Variants in MGAM observed in about 807,000 individuals in gnomAD.
The protein encoded by MGAM is maltase-glucoamylase.
A neutral mutation model predicts 358.8 loss-of-function variants in MGAM; 253 were observed. That is an observed-to-expected ratio of 0.71 (90% CI 0.64 to 0.78). The LOEUF is 0.78. Ranked by LOEUF, MGAM falls within the 30% of genes least tolerant of loss-of-function variation. The probability of loss-of-function intolerance (pLI) is 0.00; values close to 1 mark genes in which losing one functional copy is unlikely to be tolerated. For synonymous variants in MGAM, 1,105 were observed against 1,227.1 expected (o/e 0.90, Z 2.08); for missense variants, 3,080 against 3,432.6 (o/e 0.90, Z 2.57).
At chr7:142,038,253 A>G (rs1310727174) in intron 18 of MGAM, among the ~76,000 whole-genome samples, 1 of 152,140 alleles carries the variant, frequency 6.6e-6, no homozygotes, top group African/African-American at 2.4e-5. Context: ...TTTAAAAAGG[A>G]GGGCTATGGA....
rs1164055147 is a variant in MGAM at position 142,094,320 on chromosome 7, T to C, written c.7173-44T>C. On this transcript the variant is annotated intron_variant, in intron 60 of 70. Coordinates refer to ENST00000475668, the MANE Select transcript of MGAM (RefSeq NM_001365693.1). Reference sequence around the variant, plus strand: ...GAGCAGATGCTCTATGGCCTTTGCTTCCTGGCGGTGCCCTCAGTTCACCTC... The same window carrying C: ...GAGCAGATGCTCTATGGCCTTTGCTCCCTGGCGGTGCCCTCAGTTCACCTC... 4 of 1,494,336 alleles carry C rather than the reference T, an allele frequency of 2.7e-6. 1 individual carries two copies. The East Asian group carries it at 9.9e-5, about 37-fold the overall frequency. The allele number at this position is 1,494,336 out of a possible 1,614,324, so 92.6% of individuals were successfully genotyped here. A position where few individuals can be genotyped will look rare whatever the true frequency, so the allele number is the denominator to read the frequency against.
chr7:142,053,382 A>C lies in MGAM; in HGVS notation c.3159+398A>C, dbSNP rs139833281. Among the ~76,000 whole-genome samples, 3 of 152,188 alleles carry C rather than the reference A, an allele frequency of 2.0e-5. No individual in the cohort carries two copies. In the East Asian group the frequency reaches 5.8e-4, roughly 29 times the overall value. ...GCAAGCAGGTGACAATGGAGATGGAACATCAAGAATGATGACCGTGTTGGT... is the reference window on the plus strand; with the variant it reads ...GCAAGCAGGTGACAATGGAGATGGACCATCAAGAATGATGACCGTGTTGGT... On this transcript the variant is annotated intron_variant, in intron 26 of 70. Transcript: ENST00000475668.
At chr7:142,016,726 G>T (rs1806004917) in intron 3 of MGAM, among the ~76,000 whole-genome samples, 1 of 152,074 alleles carries the variant, frequency 6.6e-6, no homozygotes, top group African/African-American at 2.4e-5. Flanking sequence ...CTGAGTAGCT[G>T]GGACTACAGC....
intron 67 of MGAM, 61 bp downstream of exon 67, chr7:142,099,798 G>A: frequency 6.3e-7 from 1 of 1,587,650 alleles, no homozygotes; most frequent in South Asian, 1.1e-5. Context: ...TTGTAATGAA[G>A]TCCACCAAAA....
rs567813582 is a variant in MGAM, at chr7:142,095,678, G to A, written c.7572G>A (p.Thr2524=). 1.7e-5 allele frequency: 27 copies of A among 1,613,982 alleles called. No individual in the cohort carries two copies. The highest frequency in any genetic ancestry group is 1.3e-4 in the East Asian group (6 of 44,880). The change falls in exon 64 of 71, where the codon ACG becomes ACA. Residue 2524 remains threonine, a synonymous_variant. Coordinates refer to ENST00000475668, the MANE Select transcript of MGAM (RefSeq NM_001365693.1). ...YLYTLMHKAH[T]EGVTVVRPLL... Reference sequence around the variant, plus strand: ...ATACCTTGATGCATAAGGCCCACACGGAGGGCGTCACTGTTGTGCGGCCTC... The same window carrying A: ...ATACCTTGATGCATAAGGCCCACACAGAGGGCGTCACTGTTGTGCGGCCTC...
At chr7:142,075,164 G>A (rs929679279) in intron 45 of MGAM, among the ~76,000 whole-genome samples, 7 of 146,292 alleles carry the variant, frequency 4.8e-5, no homozygotes, top group African/African-American at 7.3e-5. Context: ...ATGCTGTTGC[G>A]AATGGCAGAA....
intron 7 of MGAM, among the ~76,000 whole-genome samples, chr7:142,024,253 C>G (rs1018455628): frequency 2.6e-5 from 4 of 151,046 alleles, no homozygotes; most frequent in Non-Finnish European, 5.9e-5. Context: ...AAATAAAAAC[C>G]GAAACAAAAA....
intron 65 of MGAM, among the ~76,000 whole-genome samples, chr7:142,097,102 T>A (rs1585109301): frequency 7.4e-6 from 1 of 135,264 alleles, no homozygotes; most frequent in African/African-American, 3.6e-5. Context: ...CCAATTTAAA[T>A]TTTTTTTTTT....
chr7:141,999,940 T>G (rs1449711456), intron 1 of MGAM, among the ~76,000 whole-genome samples: 1 of 152,154 alleles, frequency 6.6e-6, no homozygotes, highest in African/African-American at 2.4e-5. Flanking sequence ...TTCTCTTGTA[T>G]AGCTAGAAAA....
intron 23 of MGAM, 55 bp from the exon 24 acceptor site, chr7:142,050,642 G>T: frequency 6.5e-7 from 1 of 1,531,166 alleles, no homozygotes; most frequent in Non-Finnish European, 8.9e-7. Flanking sequence ...AGTGACTTGA[G>T]AATCTGTGTA....
intron 1 of MGAM, among the ~76,000 whole-genome samples, chr7:142,002,368 T>C (rs1473181148): frequency 6.6e-6 from 1 of 152,062 alleles, no homozygotes; most frequent in Non-Finnish European, 1.5e-5. Flanking sequence ...GAAAAGATAA[T>C]AACACCATGA....
chr7:142,053,492 A>G (rs1164778949), intron 26 of MGAM, among the ~76,000 whole-genome samples: 1 of 152,166 alleles, frequency 6.6e-6, no homozygotes, highest in East Asian at 1.9e-4. Context: ...GTAAGATGAT[A>G]TGTTCAGTTT....
Position 142,036,839 on chromosome 7 carries a change from C to A in MGAM, c.2093C>A (p.Ser698Tyr). Residue 698 changes from serine (S) to tyrosine (Y), a missense_variant, in exon 18 of 71, where the codon TCC becomes TAC. Physicochemically the swap from Ser to Tyr is moderately radical, Grantham distance 144. This residue lies in a region of MGAM where 1,816 missense variants were observed against 1,840.5 expected (regional missense o/e 0.99). Coordinates refer to ENST00000475668, the MANE Select transcript of MGAM (RefSeq NM_001365693.1). Reference sequence around the variant, plus strand: ...TCCTCCCAGGACCAGGATCCTGCCTCCTTTGGAGCTGACTCCCTGCTGTTG... The same window carrying A: ...TCCTCCCAGGACCAGGATCCTGCCTACTTTGGAGCTGACTCCCTGCTGTTG... ...GQGYKDQDPA[S>Y]FGADSLLLNS... 6.2e-7 allele frequency: 1 copy of A among 1,613,524 alleles called. No homozygotes were observed. The highest frequency in any genetic ancestry group is 8.5e-7 in the Non-Finnish European group (1 of 1,179,590).
At chr7:142,045,667 G>T (rs1418452521) in intron 21 of MGAM, among the ~76,000 whole-genome samples, 1 of 97,568 alleles carries the variant, frequency 1.0e-5, no homozygotes, top group Admixed American at 1.6e-4. Flanking sequence ...TACAATATAT[G>T]AATATATAAT....
intron 19 of MGAM, 69 bp from the exon 20 acceptor site, chr7:142,040,046 A>G: frequency 8.3e-7 from 1 of 1,206,030 alleles, no homozygotes; most frequent in Non-Finnish European, 1.2e-6. Context: ...ATGATTAAGA[A>G]ATTCCCTAGA....
chr7:142,021,516 T>A, intron 5 of MGAM, 70 bp from the exon 6 acceptor site: 1 of 1,450,092 alleles, frequency 6.9e-7, no homozygotes, highest in African/African-American at 1.4e-5. Context: ...TCCAGTATCC[T>A]AAGTAGGGAT....
intron 12 of MGAM, among the ~76,000 whole-genome samples, 200 bp downstream of exon 12, chr7:142,030,957 C>T (rs1807434138): frequency 6.6e-6 from 1 of 152,072 alleles, no homozygotes; most frequent in Admixed American, 6.6e-5. Flanking sequence ...ATTCCCTTCA[C>T]AGCCAAGTAA....
rs370760214 is a variant in MGAM, at chr7:142,052,936, C to G, written c.3111C>G (p.Pro1037=). ...CCTTCCCCTCCACACCCGTGAACCC[C>G]CTTCGCCTGGATGTCACTTACCATA... is the stretch of plus-strand genomic sequence containing the variant. ...ANAFPSTPVN[P]LRLDVTYHKN... is the part of the protein sequence containing the mutation. Residue 1037 remains proline, a synonymous_variant, in exon 26 of 71, where the codon CCC becomes CCG. Coordinates refer to ENST00000475668, the MANE Select transcript of MGAM (RefSeq NM_001365693.1). The G allele has an allele frequency of 5.6e-6, 9 of 1,613,906 alleles. No homozygotes were observed. The African/African-American group carries it at 6.7e-5, about 12-fold the overall frequency.
chr7:141,992,827 C>T (rs969269601), upstream of MGAM, among the ~76,000 whole-genome samples: 2 of 152,160 alleles, frequency 1.3e-5, no homozygotes, highest in African/African-American at 4.8e-5. Flanking sequence ...AAGTGATCTT[C>T]TCGTCTTGGC....
Sources: allele counts gnomAD v4.1 joint callset (sites outside exome capture counted in the v4.1 genomes callset), GRCh38; gene constraint gnomAD v4.1.1; regional missense constraint gnomAD v4.1.1; transcripts MANE v1.5; gene names NCBI Gene and HGNC (gene_info 2026-07-23, HGNC 2026-07-21).